Variants in WDR19 observed in about 807,000 individuals in gnomAD.
WDR19 encodes the protein WD repeat-containing protein 19.
WDR19 carries 121 observed loss-of-function variants against 180.0 expected under a neutral mutation model. The ratio of observed to expected loss-of-function variants is 0.67; its 90% CI spans 0.58 to 0.78. The LOEUF (loss-of-function observed/expected upper bound fraction) is 0.78, where lower values mean the gene tolerates loss of function less well. Among genes scored for constraint, WDR19 ranks in the 30% least tolerant of loss-of-function variants. The probability of loss-of-function intolerance (pLI) is 0.00; values close to 1 mark genes in which losing one functional copy is unlikely to be tolerated. For missense variants in WDR19, 1,450 were observed against 1,640.7 expected, an observed-to-expected ratio of 0.88 and a Z score of 2.01; for synonymous variants, 497 against 540.7, an observed-to-expected ratio of 0.92 and a Z score of 1.12.
Position 39,254,013 on chromosome 4 carries a change from TC to T in WDR19, c.2985del (p.Tyr996MetfsTer49). 1 of 1,611,700 alleles carries T rather than the reference TC, an allele frequency of 6.2e-7. No individual in the cohort carries two copies. The highest frequency in any genetic ancestry group is 1.1e-5 in the South Asian group (1 of 90,766). On this transcript the variant is annotated frameshift_variant, in exon 26 of 37. Coordinates refer to ENST00000399820, the MANE Select transcript of WDR19 (RefSeq NM_025132.4). LOFTEE classifies it high-confidence loss of function. ...TLAQQHNKME[I>X]YADIIGSEDT... ...GCTCAGCAACACAACAAAATGGAAA[TC>T]TATGCAGATATTATTGGTAAATATC... is the stretch of plus-strand genomic sequence containing the variant.
intron 25 of WDR19, 32 bp downstream of exon 25, chr4:39,253,324 CA>C: frequency 6.3e-7 from 1 of 1,582,696 alleles, no homozygotes; most frequent in Non-Finnish European, 8.6e-7. Flanking sequence ...TTTGGACTTT[CA>C]AAAACTAACC....
chr4:39,255,354 C>T (rs1049636486), intron 26 of WDR19, among the ~76,000 whole-genome samples: 11 of 152,178 alleles, frequency 7.2e-5, no homozygotes, highest in African/African-American at 2.4e-4. Flanking sequence ...GGTTGTTATA[C>T]TTTAGTATTC....
At chr4:39,267,923 C>G in intron 29 of WDR19, 72 bp from the exon 30 acceptor site, 2 of 1,359,234 alleles carry the variant, frequency 1.5e-6, no homozygotes, top group Non-Finnish European at 2.0e-6. Flanking sequence ...GTGATTCTAA[C>G]TGCAATACAA....
At chr4:39,260,322 C>A (rs1734160135) in intron 28 of WDR19, among the ~76,000 whole-genome samples, 1 of 143,148 alleles carries the variant, frequency 7.0e-6, no homozygotes, top group African/African-American at 2.6e-5. Context: ...GCAGTAGGGC[C>A]ACATCTTTTT....
intron 36 of WDR19, among the ~76,000 whole-genome samples, chr4:39,282,331 T>C (rs1353238117): frequency 6.6e-6 from 1 of 152,212 alleles, no homozygotes; most frequent in Admixed American, 6.5e-5. Flanking sequence ...AGTCTGCCAA[T>C]CTATGAATAT....
At chr4:39,214,822 G>A (rs1240339125) in intron 10 of WDR19, among the ~76,000 whole-genome samples, 151 bp downstream of exon 10, 1 of 151,268 alleles carries the variant, frequency 6.6e-6, no homozygotes, top group Non-Finnish European at 1.5e-5. Flanking sequence ...GCCCTGGATG[G>A]AATGCAATGG....
intron 24 of WDR19, among the ~76,000 whole-genome samples, chr4:39,249,549 T>C (rs1359392180): frequency 6.6e-6 from 1 of 151,970 alleles, no homozygotes; most frequent in Non-Finnish European, 1.5e-5. Context: ...AATCAATGAA[T>C]CCAGGAGCTC....
chr4:39,262,720 C>A (rs1465431830), intron 28 of WDR19, among the ~76,000 whole-genome samples: 1 of 152,164 alleles, frequency 6.6e-6, no homozygotes, highest in East Asian at 1.9e-4. Context: ...GGTCTAAGCA[C>A]TTTGAATGTC....
chr4:39,223,397 C>G (rs1401700689), intron 14 of WDR19, among the ~76,000 whole-genome samples: 1 of 152,226 alleles, frequency 6.6e-6, no homozygotes, highest in Admixed American at 6.5e-5. Flanking sequence ...GTGGCGCGAT[C>G]TCAGCACACT....
intron 31 of WDR19, among the ~76,000 whole-genome samples, chr4:39,270,386 T>C (rs1360961918): frequency 6.6e-6 from 1 of 152,164 alleles, no homozygotes; most frequent in East Asian, 1.9e-4. Context: ...GTTGTTTTGT[T>C]TTGTTTTTGA....
intron 10 of WDR19, among the ~76,000 whole-genome samples, chr4:39,215,339 C>T (rs549571653): frequency 2.7e-5 from 4 of 150,276 alleles, no homozygotes; most frequent in South Asian, 2.1e-4. Flanking sequence ...TTTTTTGAGA[C>T]AGCGTCTTGT....
At chr4:39,258,494 A>G (rs578092710) in intron 28 of WDR19, among the ~76,000 whole-genome samples, 1 of 152,328 alleles carries the variant, frequency 6.6e-6, no homozygotes, top group South Asian at 2.1e-4. Context: ...GTATTCTACT[A>G]TATGACTGTA....
intron 24 of WDR19, among the ~76,000 whole-genome samples, chr4:39,248,281 A>C (rs12651685): frequency 0.083 from 12,604 of 151,998 alleles, 656 homozygotes; most frequent in East Asian, 0.2. Context: ...GAAATAAAAT[A>C]CTTTACAGAC....
Position 39,253,962 on chromosome 4 carries a change from A to C in WDR19, c.2933A>C (p.Lys978Thr). The change falls in exon 26 of 37, where the codon AAA becomes ACA. Residue 978 changes from lysine to threonine, a missense_variant. Physicochemically the swap from Lys to Thr is moderately conservative, Grantham distance 78. Coordinates refer to ENST00000399820, the MANE Select transcript of WDR19 (RefSeq NM_025132.4). ...GSAIQFLVMSKCNNEAFTLAQ... is the reference protein window; with the variant it reads ...GSAIQFLVMSTCNNEAFTLAQ... ...GCCATCCAGTTTCTTGTCATGTCCA[A>C]ATGCAACAATGAAGCTTTCACACTG... 2 of 1,612,058 alleles carry C rather than the reference A, an allele frequency of 1.2e-6. No homozygotes were observed. Among genetic ancestry groups the C allele is most frequent in the Non-Finnish European group, 1.7e-6 (2 of 1,178,526 alleles).
chr4:39,238,365 A>T (rs1403464400), intron 20 of WDR19, among the ~76,000 whole-genome samples: 1 of 152,234 alleles, frequency 6.6e-6, no homozygotes, highest in African/African-American at 2.4e-5. Flanking sequence ...AGTTAGTTCC[A>T]TATGAGAGCT....
At chr4:39,213,404 C>G (rs1247381765) in intron 9 of WDR19, among the ~76,000 whole-genome samples, 1 of 152,130 alleles carries the variant, frequency 6.6e-6, no homozygotes, top group Non-Finnish European at 1.5e-5. Context: ...AAGGAACAAC[C>G]TATTGATACA....
At chr4:39,232,059 A>C in intron 18 of WDR19, 103 bp downstream of exon 18, 2 of 1,524,718 alleles carry the variant, frequency 1.3e-6, no homozygotes, top group Non-Finnish European at 1.8e-6. Context: ...TAAACAAGTG[A>C]ATCGATAGAA....
chr4:39,238,191 G>GAGT (rs1411084039), intron 20 of WDR19, among the ~76,000 whole-genome samples: 1 of 152,158 alleles, frequency 6.6e-6, no homozygotes, highest in Admixed American at 6.5e-5. Context: ...TCAAATACCT[G>GAGT]AGTAGCCACC....
chr4:39,232,085 C>T, intron 18 of WDR19, 77 bp from the exon 19 acceptor site: 1 of 1,510,092 alleles, frequency 6.6e-7, no homozygotes, highest in South Asian at 1.2e-5. Context: ...CCACTTCCTA[C>T]TGATCAAAGT....
Sources: allele counts gnomAD v4.1 joint callset (sites outside exome capture counted in the v4.1 genomes callset), GRCh38; gene constraint gnomAD v4.1.1; transcripts MANE v1.5; gene names NCBI Gene and HGNC (gene_info 2026-07-23, HGNC 2026-07-21).